The following CACNA1B variants were observed in gnomAD, a reference collection of about 807,000 sequenced individuals.
The protein encoded by CACNA1B is voltage-dependent N-type calcium channel subunit alpha-1B.
Under a neutral mutation model 247.2 loss-of-function variants are expected in CACNA1B, and 70 were observed. That is an observed-to-expected ratio of 0.28 (90% CI 0.23 to 0.35). The LOEUF (loss-of-function observed/expected upper bound fraction) is 0.35, where lower values mean the gene tolerates loss of function less well. Among genes scored for constraint, CACNA1B ranks in the 10% least tolerant of loss-of-function variants. CACNA1B has a pLI of 1.00. For synonymous variants in CACNA1B, 1,231 were observed against 1,294.4 expected, an observed-to-expected ratio of 0.95 and a Z score of 1.05; for missense variants, 2,367 against 3,197.4, an observed-to-expected ratio of 0.74 and a Z score of 6.26.
chr9:138,043,537 C>G (rs1005300937), intron 20 of CACNA1B, among the ~76,000 whole-genome samples: 1 of 152,136 alleles, frequency 6.6e-6, no homozygotes, highest in Admixed American at 6.5e-5. Context: ...TTGTTGCCAA[C>G]GTTGGTGCAG....
chr9:138,115,833 A>C (rs1049971697), intron 42 of CACNA1B, among the ~76,000 whole-genome samples, 154 bp downstream of exon 42: 1 of 152,142 alleles, frequency 6.6e-6, no homozygotes, highest in Non-Finnish European at 1.5e-5. Context: ...CGTGTCTGCC[A>C]TCCGACCCTG....
At chr9:138,091,050 G>A (rs1960862587) in intron 36 of CACNA1B, among the ~76,000 whole-genome samples, 1 of 152,122 alleles carries the variant, frequency 6.6e-6, no homozygotes, top group South Asian at 2.1e-4. Context: ...ATATCCAAAC[G>A]GAGGGAAATC....
chr9:138,061,209 C>T (rs62580940), intron 31 of CACNA1B, among the ~76,000 whole-genome samples: 18,000 of 152,242 alleles, frequency 0.12, 1,458 homozygotes, highest in Middle Eastern at 0.23. Context: ...GGCATGGAAA[C>T]TCTTTGTGAT....
At chr9:138,032,542 G>C (rs1958999792) in intron 20 of CACNA1B, 2 of 348,608 alleles carry the variant, frequency 5.7e-6, no homozygotes, top group Admixed American at 4.2e-5. Flanking sequence ...AACTTCCTTA[G>C]GCATTCTTTT....
chr9:138,112,709 G>T (rs929129107), intron 40 of CACNA1B, among the ~76,000 whole-genome samples: 1 of 152,206 alleles, frequency 6.6e-6, no homozygotes, highest in Non-Finnish European at 1.5e-5. Context: ...TGGGTTTGTT[G>T]TGTTGAGCTC....
At chr9:138,001,210 T>G (rs1480633700) in intron 15 of CACNA1B, among the ~76,000 whole-genome samples, 1 of 121,928 alleles carries the variant, frequency 8.2e-6, no homozygotes, top group Non-Finnish European at 1.6e-5. Context: ...TGCAGAAAAG[T>G]GAAACATTGA....
intron 36 of CACNA1B, among the ~76,000 whole-genome samples, chr9:138,085,658 CAG>C (rs1960670906): frequency 6.6e-6 from 1 of 151,176 alleles, no homozygotes; most frequent in East Asian, 2.0e-4. Flanking sequence ...TCACATATAA[CAG>C]AATCCCCCGT....
chr9:138,047,526 C>A, intron 23 of CACNA1B, 68 bp downstream of exon 23: 1 of 1,132,976 alleles, frequency 8.8e-7, no homozygotes, highest in Non-Finnish European at 1.3e-6. Context: ...GAGATGGGAC[C>A]AGGGCAGTGG....
At chr9:138,112,606 C>A in intron 40 of CACNA1B, 101 bp downstream of exon 40, 1 of 786,400 alleles carries the variant, frequency 1.3e-6, no homozygotes, top group East Asian at 2.6e-5. Flanking sequence ...GAAGGGCAGG[C>A]CACCTTGGAG....
intron 36 of CACNA1B, among the ~76,000 whole-genome samples, chr9:138,081,206 A>G (rs921877289): frequency 6.6e-6 from 1 of 152,174 alleles, no homozygotes; most frequent in Admixed American, 6.5e-5. Flanking sequence ...ATGATACCAC[A>G]CCACGTACAG....
intron 39 of CACNA1B, among the ~76,000 whole-genome samples, chr9:138,106,387 G>T (rs1315476127): frequency 1.3e-5 from 2 of 151,186 alleles, no homozygotes; most frequent in African/African-American, 4.9e-5. Flanking sequence ...GTCTCCCCAA[G>T]GGTGCCGTAG....
intron 20 of CACNA1B, among the ~76,000 whole-genome samples, chr9:138,026,289 T>C (rs998598734): frequency 2.0e-5 from 3 of 152,192 alleles, no homozygotes; most frequent in African/African-American, 7.2e-5. Flanking sequence ...CATTTTCTTG[T>C]TCACTTCCCA....
intron 15 of CACNA1B, among the ~76,000 whole-genome samples, chr9:137,995,222 A>AG (rs1191742081): frequency 6.6e-6 from 1 of 152,008 alleles, no homozygotes; most frequent in East Asian, 1.9e-4. Context: ...CAAAAAAAAA[A>AG]AAAAAACAAA....
intron 36 of CACNA1B, among the ~76,000 whole-genome samples, chr9:138,088,626 C>G (rs1564280750): frequency 6.6e-6 from 1 of 151,890 alleles, no homozygotes; most frequent in South Asian, 2.1e-4. Context: ...CCTGAACAGA[C>G]CAATTACTGT....
rs376809347 is a variant in CACNA1B, at chr9:138,121,937, C to T, written c.6958C>T (p.Leu2320Phe). Residue 2320 changes from leucine to phenylalanine, a missense_variant, in exon 47 of 47, where the codon CTC becomes TTC. This residue lies in a region of CACNA1B where 773 missense variants were observed against 779.4 expected (regional missense o/e 0.99). Transcript: ENST00000371372. This position sits in a 1 kb window ranked among gnomAD's most constrained non-coding sequence, Gnocchi z 6.8. ...CAACGGTTACCACTGCACCCTGGGA[C>T]TCAGCTCGGGTGGCCGAGCACGGCA... Reference protein sequence around the residue: ...VPNGYHCTLGLSSGGRARHSY... With the variant: ...VPNGYHCTLGFSSGGRARHSY... The T allele has an allele frequency of 1.1e-5, 17 of 1,608,164 alleles. No homozygotes were observed. The highest frequency in any genetic ancestry group is 1.3e-5 in the Non-Finnish European group (15 of 1,179,850).
intron 39 of CACNA1B, among the ~76,000 whole-genome samples, chr9:138,111,840 G>A (rs1323708813): frequency 6.6e-6 from 1 of 152,088 alleles, no homozygotes; most frequent in Non-Finnish European, 1.5e-5. Flanking sequence ...GGCCTCCTCG[G>A]GAGACTGATG....
intron 16 of CACNA1B, 35 bp downstream of exon 16, chr9:138,006,919 A>G (rs947440440): frequency 4.3e-6 from 5 of 1,149,936 alleles, no homozygotes; most frequent in Non-Finnish European, 6.5e-6. Flanking sequence ...GAGGGTGGTC[A>G]GTGCTTGGCC....
chr9:137,953,272 C>T (rs928844581), intron 7 of CACNA1B, among the ~76,000 whole-genome samples: 3 of 152,224 alleles, frequency 2.0e-5, no homozygotes, highest in Admixed American at 6.5e-5. Flanking sequence ...CTTCCTGCTC[C>T]CACCTTGGCC....
chr9:138,119,007 G>A (rs964425599), intron 44 of CACNA1B, among the ~76,000 whole-genome samples: 3 of 152,242 alleles, frequency 2.0e-5, no homozygotes, highest in South Asian at 2.1e-4. Context: ...GGTCAGGTCC[G>A]GTAGAGGACA....
Sources: allele counts gnomAD v4.1 joint callset (sites outside exome capture counted in the v4.1 genomes callset), GRCh38; gene constraint gnomAD v4.1.1; regional missense constraint gnomAD v4.1.1; non-coding constraint Gnocchi (gnomAD v3.1); transcripts MANE v1.5; gene names NCBI Gene and HGNC (gene_info 2026-07-23, HGNC 2026-07-21).